VMP1: variants seen among roughly 807,000 people sequenced by gnomAD.
VMP1 encodes vacuole membrane protein 1.
Under a neutral mutation model 56.0 loss-of-function variants are expected in VMP1, and 11 were observed. The ratio of observed to expected loss-of-function variants is 0.20; its 90% CI spans 0.12 to 0.32. The LOEUF (loss-of-function observed/expected upper bound fraction) is 0.32. Among genes scored for constraint, VMP1 ranks in the 10% least tolerant of loss-of-function variants. VMP1 has a pLI of 1.00. For synonymous variants in VMP1, 149 were observed against 165.0 expected (o/e 0.90, Z 0.74); for missense variants, 296 against 490.3 (o/e 0.60, Z 3.74).
rs1179269248 is a variant in VMP1, at chr17:59,772,950, C to CTTTTTTTTTTTTT, written c.583-786_583-774dup. The stretch of plus-strand genomic sequence containing the variant: ...TATCTAACACATATACTGGTGAATT[C>CTTTTTTTTTTTTT]TTTTTTTTTTTTTTTTTTTTTTTTT... On this transcript the variant is annotated intron_variant, in intron 6 of 11. Coordinates refer to ENST00000262291, the MANE Select transcript of VMP1 (RefSeq NM_030938.5). Among the ~76,000 whole-genome samples, 15 of 55,720 alleles carry CTTTTTTTTTTTTT rather than the reference C, an allele frequency of 2.7e-4. 5 individuals carry two copies. Among genetic ancestry groups the CTTTTTTTTTTTTT allele is most frequent in the Admixed American group, 9.3e-4 (3 of 3,218 alleles). 36.6% of individuals were successfully genotyped at this position (55,720 alleles called of 152,430 possible).
Position 59,841,083 on chromosome 17 carries a change from T to C in VMP1, c.*1172T>C, listed in dbSNP as rs975983148. On this transcript the variant is annotated 3_prime_UTR_variant, in exon 12 of 12. Coordinates refer to ENST00000262291, the MANE Select transcript of VMP1 (RefSeq NM_030938.5). ...TTGGGAGGAAAATAAACAATTTTAC[T>C]TTTTTCCTTTAGGAGCATTATGAGC... The C allele has an allele frequency of 5.9e-6, 1 of 170,836 alleles. No homozygotes were observed. 10.6% of individuals were successfully genotyped at this position (170,836 alleles called of 1,614,324 possible).
At chr17:59,826,425 C>G (rs951468768) in intron 10 of VMP1, among the ~76,000 whole-genome samples, 6 of 152,088 alleles carry the variant, frequency 3.9e-5, no homozygotes, top group Non-Finnish European at 7.4e-5. Flanking sequence ...AAAGGTCAAG[C>G]GAAAGTCATG....
At chr17:59,787,132 C>T (rs541945185) in intron 7 of VMP1, among the ~76,000 whole-genome samples, 1 of 152,110 alleles carries the variant, frequency 6.6e-6, no homozygotes, top group African/African-American at 2.4e-5. Flanking sequence ...AGTTAGGTGT[C>T]GGTACCAAAG....
chr17:59,743,144 G>A (rs1250331437), intron 5 of VMP1, among the ~76,000 whole-genome samples: 1 of 152,124 alleles, frequency 6.6e-6, no homozygotes, highest in Non-Finnish European at 1.5e-5. Context: ...TCTACTCTGT[G>A]TTATACAGGT....
intron 7 of VMP1, among the ~76,000 whole-genome samples, chr17:59,797,709 G>A (rs111821451): frequency 0.037 from 5,679 of 152,180 alleles, 175 homozygotes; most frequent in Non-Finnish European, 0.06. Context: ...AAACCCTGTC[G>A]TTACTAAAAA....
chr17:59,776,970 T>C (rs1300563069), intron 7 of VMP1, among the ~76,000 whole-genome samples: 1 of 152,202 alleles, frequency 6.6e-6, no homozygotes, highest in African/African-American at 2.4e-5. Context: ...ATTTGCATAG[T>C]CTTTACATCT....
chr17:59,827,086 A>G (rs1291130266), intron 10 of VMP1, among the ~76,000 whole-genome samples: 1 of 152,172 alleles, frequency 6.6e-6, no homozygotes, highest in African/African-American at 2.4e-5. Flanking sequence ...GCATCCTTCT[A>G]GATAGAGTTC....
At chr17:59,723,797 G>T (rs530216510) in intron 1 of VMP1, among the ~76,000 whole-genome samples, 2 of 152,298 alleles carry the variant, frequency 1.3e-5, no homozygotes, top group Admixed American at 6.5e-5. Flanking sequence ...ATGGCCTTTG[G>T]TAAGTAGAGG....
intron 1 of VMP1, among the ~76,000 whole-genome samples, chr17:59,727,142 T>G (rs543460962): frequency 3.9e-4 from 57 of 147,700 alleles, no homozygotes; most frequent in African/African-American, 1.4e-3. Flanking sequence ...TTTTTTTTTG[T>G]TTTTTTTTGA....
intron 10 of VMP1, among the ~76,000 whole-genome samples, chr17:59,837,178 G>A (rs1267938305): frequency 1.3e-5 from 2 of 151,964 alleles, no homozygotes; most frequent in East Asian, 1.9e-4. Context: ...ACTCCAGCCT[G>A]GGGGACAGAG....
rs561860320 is a variant in VMP1 at position 59,837,245 on chromosome 17, T to C, written c.975-1050T>C. 3.3e-5 allele frequency among the ~76,000 whole-genome samples: 5 copies of C among 152,104 alleles called. No individual in the cohort carries two copies. In the East Asian group the frequency reaches 9.6e-4, roughly 29 times the overall value. On this transcript the variant is annotated intron_variant, in intron 10 of 11. Transcript: ENST00000262291. ...GTGAAGTGAATTTGAGTCAGTGTAC[T>C]TAATAGGACAAGCATTAGGCAGTGT...
chr17:59,809,717 G>A (rs1323876770), intron 8 of VMP1, among the ~76,000 whole-genome samples: 1 of 150,842 alleles, frequency 6.6e-6, no homozygotes, highest in African/African-American at 2.4e-5. Context: ...CGTTTTAGCC[G>A]GGATGGTCTC....
intron 8 of VMP1, among the ~76,000 whole-genome samples, 195 bp downstream of exon 8, chr17:59,809,071 C>T (rs1044527231): frequency 6.6e-6 from 1 of 151,546 alleles, no homozygotes; most frequent in Non-Finnish European, 1.5e-5. Flanking sequence ...ATGATCTCGG[C>T]TCACTGCAAC....
At chr17:59,825,052 C>T (rs577178896) in intron 10 of VMP1, among the ~76,000 whole-genome samples, 2 of 147,724 alleles carry the variant, frequency 1.4e-5, no homozygotes, top group Admixed American at 6.8e-5. Context: ...GAACTTCTAG[C>T]TCAAAAGGCA....
At chr17:59,748,023 C>T (rs1375413611) in intron 5 of VMP1, among the ~76,000 whole-genome samples, 8 of 151,822 alleles carry the variant, frequency 5.3e-5, no homozygotes, top group South Asian at 4.1e-4. Flanking sequence ...AGTGAAACCC[C>T]GTCTCTACTA....
intron 2 of VMP1, 25 bp from the exon 3 acceptor site, chr17:59,735,313 T>C: frequency 6.2e-7 from 1 of 1,608,268 alleles, no homozygotes. Context: ...AATTCTGTTT[T>C]AATCTCTGCA....
chr17:59,726,342 G>A (rs1452994385), intron 1 of VMP1, among the ~76,000 whole-genome samples: 1 of 149,420 alleles, frequency 6.7e-6, no homozygotes, highest in Non-Finnish European at 1.5e-5. Flanking sequence ...TGTCCAGGCT[G>A]GAGTGCAGTG....
intron 5 of VMP1, among the ~76,000 whole-genome samples, chr17:59,750,557 C>G (rs1424770534): frequency 6.6e-6 from 1 of 152,172 alleles, no homozygotes; most frequent in Non-Finnish European, 1.5e-5. Flanking sequence ...CCACCTCGGC[C>G]TCCCAAAGTG....
chr17:59,728,149 AT>A (rs2034680454), intron 1 of VMP1, among the ~76,000 whole-genome samples: 1 of 152,156 alleles, frequency 6.6e-6, no homozygotes, highest in African/African-American at 2.4e-5. Flanking sequence ...TTTTCTAGTG[AT>A]TTTTATAGGC....
Sources: gnomAD v4.1 joint callset for allele counts (sites outside exome capture counted in the v4.1 genomes callset) on GRCh38, gnomAD v4.1.1 for gene constraint, MANE v1.5 for transcripts, NCBI Gene and HGNC (gene_info 2026-07-23, HGNC 2026-07-21) for gene names.